GBE1: variants seen among roughly 807,000 people sequenced by gnomAD.
The protein encoded by GBE1 is 1,4-alpha-glucan branching enzyme 1, also known as 1,4-alpha-glucan-branching enzyme.
In GBE1, 70 loss-of-function variants were observed where a neutral mutation model predicts 88.8. The ratio of observed to expected loss-of-function variants is 0.79; its 90% confidence interval spans 0.65 to 0.96. The LOEUF (loss-of-function observed/expected upper bound fraction) is 0.96. Among genes scored for constraint, GBE1 ranks in the 40% least tolerant of loss-of-function variants. The pLI, the probability that GBE1 is intolerant of heterozygous loss-of-function variation, is 0.00. For synonymous variants in GBE1, 284 were observed against 300.1 expected, an observed-to-expected ratio of 0.95 and a Z score of 0.56; for missense variants, 872 against 871.0, an observed-to-expected ratio of 1.00 and a Z score of -0.01.
intron 7 of GBE1, among the ~76,000 whole-genome samples, chr3:81,630,108 G>A (rs916906161): frequency 6.6e-6 from 1 of 152,026 alleles, no homozygotes; most frequent in Admixed American, 6.6e-5. Context: ...TCTTAATCCA[G>A]TCTATCATTG....
rs2228389 is a variant in GBE1, at chr3:81,578,024, T to A, written c.1519A>T (p.Thr507Ser). 9 of 1,609,604 alleles carry A rather than the reference T, an allele frequency of 5.6e-6. No homozygotes were observed. Among genetic ancestry groups the A allele is most frequent in the Non-Finnish European group, 7.6e-6 (9 of 1,178,190 alleles). Residue 507 changes from threonine (T) to serine (S), a missense_variant, in exon 12 of 16, where the codon ACT becomes TCT. Thr to Ser is a moderately conservative substitution (Grantham distance 58). Transcript: ENST00000429644. The part of the protein sequence containing the change: ...AEMYTNMSVL[T>S]PFTPVIDRGI... Reference sequence around the variant, plus strand: ...CGATCAATAACTGGAGTAAAAGGAGTCAGGACACTCATGTTTGTATACATT... The same window carrying A: ...CGATCAATAACTGGAGTAAAAGGAGACAGGACACTCATGTTTGTATACATT...
intron 7 of GBE1, among the ~76,000 whole-genome samples, chr3:81,628,991 TTAA>T (rs1182858505): frequency 6.7e-6 from 1 of 148,576 alleles, no homozygotes; most frequent in African/African-American, 2.5e-5. Flanking sequence ...TGGCAACTGA[TTAA>T]TAATTAGTGA....
chr3:81,563,564 T>C (rs1168394768), intron 12 of GBE1, among the ~76,000 whole-genome samples: 1 of 152,110 alleles, frequency 6.6e-6, no homozygotes, highest in Non-Finnish European at 1.5e-5. Context: ...TATTAATTTA[T>C]CTTTATTCCT....
chr3:81,740,782 A>ACACACACACG (rs1000342617), intron 1 of GBE1, among the ~76,000 whole-genome samples: 9 of 152,000 alleles, frequency 5.9e-5, no homozygotes, highest in African/African-American at 2.2e-4. Flanking sequence ...ACACACACAC[A>ACACACACACG]CACACACAAT....
At chr3:81,629,027 T>G (rs1704464968) in intron 7 of GBE1, among the ~76,000 whole-genome samples, 1 of 144,078 alleles carries the variant, frequency 6.9e-6, no homozygotes, top group African/African-American at 2.6e-5. Flanking sequence ...AGTTTTTTTT[T>G]TTTTTTTTTT....
At chr3:81,533,575 CT>C (rs1362739656) in intron 14 of GBE1, among the ~76,000 whole-genome samples, 4 of 152,070 alleles carry the variant, frequency 2.6e-5, no homozygotes, top group African/African-American at 9.7e-5. Context: ...CTAAAAAGCA[CT>C]GTCTGTTTTC....
intron 7 of GBE1, among the ~76,000 whole-genome samples, chr3:81,641,520 A>G (rs1002132245): frequency 2.2e-4 from 33 of 152,204 alleles, no homozygotes; most frequent in African/African-American, 7.5e-4. Context: ...GAGCAAAACT[A>G]TATTAGTCCC....
At chr3:81,758,801 T>G (rs1706637840) in intron 1 of GBE1, among the ~76,000 whole-genome samples, 1 of 152,194 alleles carries the variant, frequency 6.6e-6, no homozygotes, top group Non-Finnish European at 1.5e-5. Flanking sequence ...TGATTCAAAA[T>G]TCTCACAGGT....
intron 15 of GBE1, among the ~76,000 whole-genome samples, chr3:81,496,078 C>G (rs1342688352): frequency 6.6e-6 from 1 of 152,170 alleles, no homozygotes; most frequent in Non-Finnish European, 1.5e-5. Flanking sequence ...CCCCTGCCTC[C>G]AGTGCACTGA....
intron 1 of GBE1, among the ~76,000 whole-genome samples, chr3:81,716,219 G>A (rs1185689006): frequency 6.6e-6 from 1 of 152,102 alleles, no homozygotes; most frequent in Non-Finnish European, 1.5e-5. Context: ...CTAAAGTTAA[G>A]TGCAATGAAA....
chr3:81,662,118 C>T (rs1214076531), intron 3 of GBE1, among the ~76,000 whole-genome samples: 3 of 152,050 alleles, frequency 2.0e-5, no homozygotes, highest in Non-Finnish European at 4.4e-5. Context: ...CCGCAACCTC[C>T]GCCTCCCGGG....
chr3:81,708,401 T>C (rs899483027), intron 1 of GBE1, among the ~76,000 whole-genome samples: 1 of 151,966 alleles, frequency 6.6e-6, no homozygotes, highest in African/African-American at 2.4e-5. Flanking sequence ...GAAAATGAAA[T>C]ACAAGTGGCC....
At chr3:81,597,609 T>C (rs1174770080) in intron 7 of GBE1, among the ~76,000 whole-genome samples, 1 of 151,126 alleles carries the variant, frequency 6.6e-6, no homozygotes, top group Admixed American at 6.6e-5. Flanking sequence ...CACTGTGCTA[T>C]TCACACTGTG....
chr3:81,706,867 C>CA (rs143444052), intron 1 of GBE1, among the ~76,000 whole-genome samples: 24 of 148,440 alleles, frequency 1.6e-4, no homozygotes, highest in African/African-American at 5.5e-4. Flanking sequence ...TTAGACTCAA[C>CA]AAAAAAAAGT....
chr3:81,670,935 GA>G lies in GBE1; in HGVS notation c.331del (p.Ser111ArgfsTer32). ...TGDFNGWNPFSYPYKKLDYGK... is the reference protein window; with the variant it reads ...TGDFNGWNPFXYPYKKLDYGK... ...ATAATCCAGTTTTTTGTATGGGTAC[GA>G]AAATGGATTCCAACCATCTAAAAAA... On this transcript the variant is annotated frameshift_variant, in exon 3 of 16. Transcript: ENST00000429644. LOFTEE classifies it high-confidence loss of function. 1 of 1,552,834 alleles carries G rather than the reference GA, an allele frequency of 6.4e-7. No homozygotes were observed. The highest frequency in any genetic ancestry group is 8.7e-7 in the Non-Finnish European group (1 of 1,146,342).
At chr3:81,501,669 T>G (rs1430294746) in intron 14 of GBE1, among the ~76,000 whole-genome samples, 1 of 145,256 alleles carries the variant, frequency 6.9e-6, no homozygotes, top group Non-Finnish European at 1.5e-5. Flanking sequence ...AAGAATTCCC[T>G]CATTTACTTA....
chr3:81,596,937 T>C (rs916831624), intron 7 of GBE1, among the ~76,000 whole-genome samples: 2 of 152,024 alleles, frequency 1.3e-5, no homozygotes, highest in African/African-American at 4.8e-5. Flanking sequence ...ATGTTCAATA[T>C]TATTTCTACT....
chr3:81,618,539 A>T (rs746878391), intron 7 of GBE1, among the ~76,000 whole-genome samples: 9 of 152,126 alleles, frequency 5.9e-5, no homozygotes, highest in Non-Finnish European at 1.0e-4. Flanking sequence ...TTTAGGCAGG[A>T]CAAAGAGGAA....
At chr3:81,597,924 T>C (rs904833212) in intron 7 of GBE1, among the ~76,000 whole-genome samples, 2 of 151,966 alleles carry the variant, frequency 1.3e-5, no homozygotes, top group African/African-American at 4.8e-5. Flanking sequence ...ATAATTCCAA[T>C]ATTAAGGTTT....
Sources: gnomAD v4.1 joint callset for allele counts (sites outside exome capture counted in the v4.1 genomes callset) on GRCh38, gnomAD v4.1.1 for gene constraint, MANE v1.5 for transcripts, NCBI Gene and HGNC (gene_info 2026-07-23, HGNC 2026-07-21) for gene names.